The following OPCML variants were observed in gnomAD, a reference collection of about 807,000 sequenced individuals.
OPCML encodes opioid-binding protein/cell adhesion molecule.
In OPCML, 13 loss-of-function variants were observed where a neutral mutation model predicts 37.8. The observed-to-expected ratio is 0.34, with a 90% CI of 0.22 to 0.55. The LOEUF (loss-of-function observed/expected upper bound fraction) is 0.55. Among genes scored for constraint, OPCML ranks in the 20% least tolerant of loss-of-function variants. The pLI is 0.91. For synonymous variants in OPCML, 176 were observed against 168.8 expected (o/e 1.04, Z -0.33); for missense variants, 341 against 435.6 (o/e 0.78, Z 1.93).
At chr11:132,444,593 C>T (rs1340980021) in intron 4 of OPCML, among the ~76,000 whole-genome samples, 1 of 152,196 alleles carries the variant, frequency 6.6e-6, no homozygotes, top group East Asian at 1.9e-4. Flanking sequence ...GTAGGCTAAG[C>T]CCACAGTATG....
intron 2 of OPCML, among the ~76,000 whole-genome samples, chr11:132,875,209 G>A (rs986733455): frequency 1.3e-5 from 2 of 152,136 alleles, no homozygotes; most frequent in African/African-American, 4.8e-5. Context: ...GCTACTTACT[G>A]TTGAATCCAT....
In OPCML at chr11:133,205,360, A is replaced by G. The variant is rs1041002635; in HGVS notation, c.62-262350T>C. ...AGCCGGCTGCTCCCCTGTATCCTCT[A>G]TTGATACACAGGCAAGTGTATGTAA... On this transcript the variant is annotated intron_variant, in intron 1 of 7. Coordinates refer to ENST00000524381, the MANE Select transcript of OPCML (RefSeq NM_001012393.5). The surrounding 1 kb of genome is among the most constrained non-coding windows in gnomAD (Gnocchi z 4.8). Among the ~76,000 whole-genome samples the G allele has an allele frequency of 2.6e-5, 4 of 152,066 alleles. No homozygotes were observed. Among genetic ancestry groups the G allele is most frequent in the African/African-American group, 9.7e-5 (4 of 41,420 alleles).
At chr11:132,884,700 T>G (rs951900437) in intron 2 of OPCML, among the ~76,000 whole-genome samples, 3 of 152,202 alleles carry the variant, frequency 2.0e-5, no homozygotes, top group African/African-American at 7.2e-5. Context: ...TGTGCAAGCT[T>G]TCATTAGTGG....
At chr11:132,651,105 G>C (rs527815997) in intron 3 of OPCML, among the ~76,000 whole-genome samples, 8 of 152,234 alleles carry the variant, frequency 5.3e-5, no homozygotes, top group African/African-American at 1.9e-4. Context: ...CCCCAGAATT[G>C]TCACCTCAGG....
intron 4 of OPCML, among the ~76,000 whole-genome samples, chr11:132,453,527 C>T (rs1052960587): frequency 6.6e-6 from 1 of 152,152 alleles, no homozygotes; most frequent in Non-Finnish European, 1.5e-5. Flanking sequence ...ACGAGTGAGT[C>T]CATTCAGCAA....
intron 1 of OPCML, among the ~76,000 whole-genome samples, chr11:133,214,141 C>A (rs960972036): frequency 2.0e-5 from 3 of 151,924 alleles, no homozygotes; most frequent in Non-Finnish European, 4.4e-5. Context: ...ACTATAAAGA[C>A]ATAACATTCC....
chr11:132,613,477 G>A (rs77249470), intron 3 of OPCML, among the ~76,000 whole-genome samples: 2 of 152,152 alleles, frequency 1.3e-5, no homozygotes, highest in African/African-American at 2.4e-5. Context: ...ATATACCTAA[G>A]CATTCACCTT....
At chr11:133,180,015 C>G (rs1937748022) in intron 1 of OPCML, among the ~76,000 whole-genome samples, 2 of 152,278 alleles carry the variant, frequency 1.3e-5, no homozygotes, top group African/African-American at 4.8e-5. Context: ...AGAAGGCAAC[C>G]ATGGGCCTTA....
chr11:133,092,284 G>A (rs565209140), intron 1 of OPCML, among the ~76,000 whole-genome samples: 4 of 152,180 alleles, frequency 2.6e-5, no homozygotes, highest in East Asian at 1.9e-4. Flanking sequence ...TAAATTACCC[G>A]GTCTGTGGCA....
At chr11:133,252,876 G>A (rs1941182288) in intron 1 of OPCML, among the ~76,000 whole-genome samples, 1 of 152,126 alleles carries the variant, frequency 6.6e-6, no homozygotes, top group South Asian at 2.1e-4. Flanking sequence ...GGCCAGGTAC[G>A]GTGGCTCATG....
chr11:132,439,692 C>T (rs911076283), intron 4 of OPCML, among the ~76,000 whole-genome samples: 1 of 82,142 alleles, frequency 1.2e-5, no homozygotes, highest in Non-Finnish European at 2.6e-5. Flanking sequence ...TTCCAGACAC[C>T]TCGCCATTTT....
intron 7 of OPCML, among the ~76,000 whole-genome samples, chr11:132,421,629 T>G (rs2095959504): frequency 6.6e-6 from 1 of 152,230 alleles, no homozygotes; most frequent in African/African-American, 2.4e-5. Context: ...AAAATATACA[T>G]GCTTTTATGG....
intron 2 of OPCML, among the ~76,000 whole-genome samples, chr11:132,815,645 G>A (rs908475362): frequency 6.6e-6 from 1 of 152,200 alleles, no homozygotes; most frequent in Non-Finnish European, 1.5e-5. Flanking sequence ...AGTAGGTTAG[G>A]TGTGAGGAGA....
At chr11:133,251,659 A>T (rs1941139850) in intron 1 of OPCML, among the ~76,000 whole-genome samples, 2 of 152,106 alleles carry the variant, frequency 1.3e-5, no homozygotes, top group Non-Finnish European at 2.9e-5. Flanking sequence ...TGATTGCTGA[A>T]ATCACAATTT....
rs182182453 is a variant in OPCML at position 133,495,188 on chromosome 11, G to T, written c.61+37076C>A. Among the ~76,000 whole-genome samples, 188 of 152,214 alleles carry T rather than the reference G, an allele frequency of 1.2e-3. 1 individual carries two copies. Among genetic ancestry groups the T allele is most frequent in the Admixed American group, 0.01 (158 of 15,288 alleles). ...TTCCATTCCTGAGTTACTTCACTTA[G>T]AATAATAGTCTCCAGTCTCATTCAG... On this transcript the variant is annotated intron_variant, in intron 1 of 7. Coordinates refer to ENST00000524381, the MANE Select transcript of OPCML (RefSeq NM_001012393.5).
chr11:133,342,586 C>T (rs975995870), intron 1 of OPCML, among the ~76,000 whole-genome samples: 4 of 152,124 alleles, frequency 2.6e-5, no homozygotes, highest in African/African-American at 9.7e-5. Flanking sequence ...CAGAGGGACC[C>T]GTGCGGAGGT....
At chr11:133,167,717 G>C (rs1019397648) in intron 1 of OPCML, among the ~76,000 whole-genome samples, 15 of 152,082 alleles carry the variant, frequency 9.9e-5, no homozygotes, top group African/African-American at 1.7e-4. Context: ...TCCTAAAGCT[G>C]TATTGCAGCA....
chr11:133,170,011 G>A (rs574166191), intron 1 of OPCML, among the ~76,000 whole-genome samples: 1 of 152,258 alleles, frequency 6.6e-6, no homozygotes, highest in South Asian at 2.1e-4. Flanking sequence ...AGTTATAAAA[G>A]GTTGAGAAGC....
chr11:132,605,880 G>T (rs960458314), intron 3 of OPCML, among the ~76,000 whole-genome samples: 4 of 152,186 alleles, frequency 2.6e-5, no homozygotes, highest in African/African-American at 9.7e-5. Flanking sequence ...GTGAACAAAT[G>T]AATGAGAAGA....
Sources: allele counts gnomAD v4.1 joint callset (sites outside exome capture counted in the v4.1 genomes callset), GRCh38; gene constraint gnomAD v4.1.1; non-coding constraint Gnocchi (gnomAD v3.1); transcripts MANE v1.5; gene names NCBI Gene and HGNC (gene_info 2026-07-23, HGNC 2026-07-21).